The following CCDC198 variants were observed in gnomAD, a reference collection of about 807,000 sequenced individuals.
CCDC198 encodes the protein coiled-coil domain containing 198.
A neutral mutation model predicts 35.6 loss-of-function variants in CCDC198; 18 were observed. The ratio of observed to expected loss-of-function variants is 0.51; its 90% CI spans 0.35 to 0.75. CCDC198 has a LOEUF of 0.75. CCDC198 is among the 30% of genes least tolerant of loss of function. The probability of loss-of-function intolerance (pLI) is 0.01; values close to 1 mark genes in which losing one functional copy is unlikely to be tolerated. For missense variants in CCDC198, 365 were observed against 343.7 expected (o/e 1.06, Z -0.49); for synonymous variants, 119 against 113.4 (o/e 1.05, Z -0.31).
chr14:57,491,048 T>C lies in CCDC198; in HGVS notation c.247A>G (p.Ile83Val). ...CTTGTTTCTCTGTGTTCCAGTGGGA[T>C]GTCAAAATACATGTCTCTGGATGCT... ...STASRDMYFD[I>V]PLEHRETSII... Residue 83 changes from isoleucine to valine, a missense_variant, in exon 2 of 6, where the codon ATC (isoleucine) becomes GTC (valine). Ile to Val is a conservative substitution (Grantham distance 29). Coordinates refer to ENST00000216445, the MANE Select transcript of CCDC198 (RefSeq NM_018168.4). 6.2e-7 allele frequency: 1 copy of C among 1,611,522 alleles called. No homozygotes were observed. Among genetic ancestry groups the C allele is most frequent in the Non-Finnish European group, 8.5e-7 (1 of 1,178,156 alleles).
intron 2 of CCDC198, 140 bp downstream of exon 2, chr14:57,490,849 T>C (rs2067540396): frequency 1.2e-6 from 1 of 817,572 alleles, no homozygotes. Flanking sequence ...GTATTTGCGA[T>C]TGATGACATT....
chr14:57,491,216 T>A (rs2067556956), intron 1 of CCDC198, 145 bp from the exon 2 acceptor site: 1 of 762,402 alleles, frequency 1.3e-6, no homozygotes, highest in East Asian at 2.8e-5. Context: ...AATGTGGAGA[T>A]GAAACACAGA....
intron 5 of CCDC198, chr14:57,480,320 C>T: frequency 2.0e-6 from 2 of 984,076 alleles, no homozygotes; most frequent in Non-Finnish European, 2.4e-6. Context: ...TTTTCTGCTT[C>T]TAGGGATGAG....
At chr14:57,480,885 G>T in intron 4 of CCDC198, 131 bp from the exon 5 acceptor site, 1 of 884,680 alleles carries the variant, frequency 1.1e-6, no homozygotes, top group South Asian at 1.9e-5. Flanking sequence ...CCAGAACATG[G>T]TTTTCTTTTT....
At chr14:57,493,082 C>T (rs554871764) in intron 1 of CCDC198, among the ~76,000 whole-genome samples, 67 of 152,238 alleles carry the variant, frequency 4.4e-4, no homozygotes, top group African/African-American at 1.6e-3. Context: ...TTCAAAACCA[C>T]AAAGTCTGGT....
intron 5 of CCDC198, 127 bp downstream of exon 5, chr14:57,480,468 A>G (rs1318986849): frequency 7.9e-7 from 1 of 1,261,614 alleles, no homozygotes; most frequent in African/African-American, 1.5e-5. Flanking sequence ...TATTCTGGGA[A>G]GTAAAAATCT....
chr14:57,493,655 T>C lies in CCDC198; in HGVS notation c.61A>G (p.Lys21Glu), dbSNP rs776650696. Residue 21 changes from lysine to glutamate, a missense_variant, in exon 1 of 6, where the codon AAA becomes GAA. Coordinates refer to ENST00000216445, the MANE Select transcript of CCDC198 (RefSeq NM_018168.4). ...RVIKVAPLQNKEVETPSAGRV... is the reference protein window; with the variant it reads ...RVIKVAPLQNEEVETPSAGRV... The stretch of plus-strand genomic sequence containing the variant: ...CCAGCCGAGGGAGTCTCTACCTCTT[T>C]GTTTTGCAAAGGTGCTACTTTGATC... 1 of 1,613,934 alleles carries C rather than the reference T, an allele frequency of 6.2e-7. No individual in the cohort carries two copies. The highest frequency in any genetic ancestry group is 2.2e-5 in the East Asian group (1 of 44,876).
intron 3 of CCDC198, 145 bp from the exon 4 acceptor site, chr14:57,481,805 G>T (rs546802002): frequency 1.0e-5 from 6 of 578,520 alleles, no homozygotes; most frequent in Non-Finnish European, 1.8e-5. Flanking sequence ...GTGGACTATC[G>T]TGTGTCCCTG....
At chr14:57,479,120 T>C (rs1016331931) in intron 5 of CCDC198, 46 of 969,588 alleles carry the variant, frequency 4.7e-5, no homozygotes, top group African/African-American at 2.5e-4. Context: ...TTAGAAAGCA[T>C]AGAGCGATCT....
chr14:57,478,798 T>G (rs2067087248), intron 5 of CCDC198: 3 of 1,110,220 alleles, frequency 2.7e-6, no homozygotes, highest in Non-Finnish European at 3.3e-6. Flanking sequence ...ATTCAGCCTT[T>G]TCTTATTTAA....
intron 5 of CCDC198, chr14:57,478,968 C>T: frequency 7.8e-7 from 1 of 1,288,798 alleles, no homozygotes; most frequent in Non-Finnish European, 1.0e-6. Context: ...GGATTTGGCC[C>T]ACGGCACAGC....
chr14:57,477,078 A>C (rs1413406683), intron 5 of CCDC198, among the ~76,000 whole-genome samples: 1 of 152,224 alleles, frequency 6.6e-6, no homozygotes, highest in Non-Finnish European at 1.5e-5. Flanking sequence ...CAGACTCTTC[A>C]TCTGTAGAAG....
rs2066784106 is a variant in CCDC198 at position 57,469,748 on chromosome 14, C to T, written c.*1607G>A. On this transcript the variant is annotated 3_prime_UTR_variant, in exon 6 of 6. Coordinates refer to ENST00000216445, the MANE Select transcript of CCDC198 (RefSeq NM_018168.4). Reference sequence around the variant, plus strand: ...ATATGGCCTGGGACAATCTAATAGCCTTCTGTCCTTGGAAGAAACATGAAT... The same window carrying T: ...ATATGGCCTGGGACAATCTAATAGCTTTCTGTCCTTGGAAGAAACATGAAT... The T allele has an allele frequency of 6.6e-6, 1 of 152,176 alleles. No individual in the cohort carries two copies. Among genetic ancestry groups the T allele is most frequent in the Admixed American group, 6.5e-5 (1 of 15,272 alleles). 9.4% of individuals were successfully genotyped at this position (152,176 alleles called of 1,614,324 possible). A position where few individuals can be genotyped will look rare whatever the true frequency, so the allele number is the denominator to read the frequency against.
intron 2 of CCDC198, among the ~76,000 whole-genome samples, chr14:57,485,310 A>C (rs565414978): frequency 6.6e-6 from 1 of 152,234 alleles, no homozygotes; most frequent in South Asian, 2.1e-4. Context: ...CAGGAGTTCC[A>C]GTGGTGAGGC....
chr14:57,479,012 A>G lies in CCDC198; in HGVS notation c.655+1583T>C, dbSNP rs937195141. On this transcript the variant is annotated intron_variant, in intron 5 of 5. Transcript: ENST00000216445. ...TGTGTGAACAATATTGGAAATTTCAACTGTGGGTTTGCCCTGGGGAAATAC... is the reference window on the plus strand; with the variant it reads ...TGTGTGAACAATATTGGAAATTTCAGCTGTGGGTTTGCCCTGGGGAAATAC... 4.3e-5 allele frequency: 56 copies of G among 1,289,204 alleles called. No homozygotes were observed. The Middle Eastern group carries it at 1.3e-3, about 29-fold the overall frequency. The allele number at this position is 1,289,204 out of a possible 1,614,324, so 79.9% of individuals were successfully genotyped here. A position where few individuals can be genotyped will look rare whatever the true frequency, so the allele number is the denominator to read the frequency against.
intron 5 of CCDC198, chr14:57,475,511 A>G: frequency 9.9e-7 from 1 of 1,008,882 alleles, no homozygotes; most frequent in Middle Eastern, 4.2e-4. Context: ...GTTCGAGACC[A>G]GCTTGGCCAA....
chr14:57,471,828 A>C (rs945060185), intron 5 of CCDC198, among the ~76,000 whole-genome samples: 1 of 151,334 alleles, frequency 6.6e-6, no homozygotes, highest in African/African-American at 2.4e-5. Context: ...AAGTCACAAT[A>C]ATACAACACA....
At chr14:57,481,763 A>G (rs911029966) in intron 3 of CCDC198, 103 bp from the exon 4 acceptor site, 2 of 728,016 alleles carry the variant, frequency 2.7e-6, no homozygotes, top group African/African-American at 3.5e-5. Context: ...TTAATCAGTC[A>G]TAACCTGTAG....
At chr14:57,484,200 T>C (rs925359320) in intron 2 of CCDC198, among the ~76,000 whole-genome samples, 6 of 152,158 alleles carry the variant, frequency 3.9e-5, no homozygotes, top group Admixed American at 2.6e-4. Flanking sequence ...TATTTGGAAA[T>C]AGGGTCATTG....
Sources: allele counts gnomAD v4.1 joint callset (sites outside exome capture counted in the v4.1 genomes callset), GRCh38; gene constraint gnomAD v4.1.1; transcripts MANE v1.5; gene names NCBI Gene and HGNC (gene_info 2026-07-23, HGNC 2026-07-21).